ANKS1B: variants seen among roughly 807,000 people sequenced by gnomAD.
ANKS1B encodes ankyrin repeat and sterile alpha motif domain containing 1B, also known as ankyrin repeat and sterile alpha motif domain-containing protein 1B.
ANKS1B carries 36 observed loss-of-function variants against 148.3 expected under a neutral mutation model. The ratio of observed to expected loss-of-function variants is 0.24; its 90% confidence interval spans 0.19 to 0.32. The LOEUF is 0.32. Ranked by LOEUF, ANKS1B falls within the 10% of genes least tolerant of loss-of-function variation. The pLI is 1.00. For synonymous variants in ANKS1B, 542 were observed against 560.8 expected, an observed-to-expected ratio of 0.97 and a Z score of 0.47; for missense variants, 1,157 against 1,542.6, an observed-to-expected ratio of 0.75 and a Z score of 4.19.
At chr12:99,730,570 A>G (rs756583208) in intron 8 of ANKS1B, among the ~76,000 whole-genome samples, 9 of 152,146 alleles carry the variant, frequency 5.9e-5, no homozygotes, top group Non-Finnish European at 1.0e-4. Flanking sequence ...ATGAGTGGGG[A>G]GCTGTGCAGA....
In ANKS1B at chr12:99,374,436, A is replaced by T. The variant is rs563971435; in HGVS notation, c.1756+25195T>A. ...CCAGGCTGAGTGAGTGTAGGTGTTA[A>T]TATGAGTGTACCCCGTGAAGGGACA... On this transcript the variant is annotated intron_variant, in intron 12 of 26. Coordinates refer to ENST00000683438, the MANE Select transcript of ANKS1B (RefSeq NM_001352186.2). Among the ~76,000 whole-genome samples the T allele has an allele frequency of 2.0e-5, 3 of 152,268 alleles. No homozygotes were observed. The South Asian group carries it at 6.2e-4, about 32-fold the overall frequency.
At chr12:99,597,251 G>GGA (rs3081683) in intron 9 of ANKS1B, among the ~76,000 whole-genome samples, 95 of 149,366 alleles carry the variant, frequency 6.4e-4, no homozygotes, top group Middle Eastern at 7.0e-3. Context: ...AATGTCTGAG[G>GGA]GAGAGAGAGA....
At chr12:98,735,595 C>CTGA in exon 10 of ANKS1B, 2 of 774,914 alleles carry the variant, frequency 2.6e-6, no homozygotes, top group East Asian at 2.4e-5. Context: ...GTGTGTCTCT[C>CTGA]TGATGGTTCC....
At chr12:99,113,418 A>T (rs755960959) in intron 15 of ANKS1B, among the ~76,000 whole-genome samples, 1 of 152,220 alleles carries the variant, frequency 6.6e-6, no homozygotes, top group Non-Finnish European at 1.5e-5. Flanking sequence ...TCTTAAATGT[A>T]TTAATTAATG....
At chr12:99,192,679 T>C (rs549323894) in intron 14 of ANKS1B, among the ~76,000 whole-genome samples, 14 of 152,216 alleles carry the variant, frequency 9.2e-5, no homozygotes, top group African/African-American at 2.9e-4. Flanking sequence ...CGTATACAAA[T>C]ATATGTTGCC....
intron 17 of ANKS1B, among the ~76,000 whole-genome samples, chr12:98,936,610 A>C (rs2045686): frequency 0.08 from 12,136 of 151,934 alleles, 659 homozygotes; most frequent in Admixed American, 0.17. Flanking sequence ...CTGGTGACAG[A>C]GTGAGACTCT....
At chr12:98,768,623 G>A (rs544065650) in intron 25 of ANKS1B, among the ~76,000 whole-genome samples, 138 of 151,038 alleles carry the variant, frequency 9.1e-4, no homozygotes, top group Middle Eastern at 3.4e-3. Context: ...AGTCCCAGCT[G>A]CTCAGGAGGC....
chr12:99,696,610 G>A (rs2053962919), intron 8 of ANKS1B, among the ~76,000 whole-genome samples: 1 of 152,068 alleles, frequency 6.6e-6, no homozygotes, highest in Admixed American at 6.5e-5. Context: ...AAAATGAAAA[G>A]CTATAAAACT....
intron 17 of ANKS1B, among the ~76,000 whole-genome samples, chr12:98,993,411 C>T (rs982177827): frequency 5.3e-5 from 8 of 152,146 alleles, no homozygotes; most frequent in Non-Finnish European, 1.0e-4. Flanking sequence ...TCAAGTGATC[C>T]GCCCGCCTTG....
At chr12:98,917,366 C>T (rs1319885301) in intron 17 of ANKS1B, among the ~76,000 whole-genome samples, 2 of 152,116 alleles carry the variant, frequency 1.3e-5, no homozygotes, top group East Asian at 3.9e-4. Flanking sequence ...AATGTCGGGG[C>T]CCATCCCTCC....
At chr12:99,303,453 G>A (rs2154021771) in intron 12 of ANKS1B, among the ~76,000 whole-genome samples, 1 of 152,088 alleles carries the variant, frequency 6.6e-6, no homozygotes, top group East Asian at 1.9e-4. Context: ...GTTGTACTAT[G>A]CCCCAACACT....
intron 12 of ANKS1B, among the ~76,000 whole-genome samples, chr12:99,369,593 T>TC (rs1372565259): frequency 6.6e-5 from 10 of 150,892 alleles, no homozygotes; most frequent in African/African-American, 2.2e-4. Context: ...ATTATAATTT[T>TC]CTCAGTGTGC....
intron 1 of ANKS1B, among the ~76,000 whole-genome samples, chr12:99,924,847 AAC>A (rs1354490300): frequency 6.6e-5 from 10 of 152,164 alleles, no homozygotes; most frequent in South Asian, 2.1e-4. Context: ...ACTAAAGACA[AAC>A]ACAGTCTTTG....
intron 17 of ANKS1B, among the ~76,000 whole-genome samples, chr12:98,864,819 ACTCT>A (rs1488333284): frequency 1.3e-5 from 2 of 151,848 alleles, no homozygotes; most frequent in Non-Finnish European, 2.9e-5. Context: ...ACTCACCCTG[ACTCT>A]CAGAACACAC....
At chr12:99,445,524 T>C (rs1336077885) in intron 10 of ANKS1B, among the ~76,000 whole-genome samples, 2 of 151,978 alleles carry the variant, frequency 1.3e-5, no homozygotes, top group Non-Finnish European at 2.9e-5. Flanking sequence ...TAATGATGTG[T>C]CCATGTAGTT....
At chr12:99,909,217 C>CGTGTGTGTGTGTGT (rs60264932) in intron 1 of ANKS1B, among the ~76,000 whole-genome samples, 1 of 137,314 alleles carries the variant, frequency 7.3e-6, no homozygotes, top group African/African-American at 2.7e-5. Flanking sequence ...AATATTCCAT[C>CGTGTGTGTGTGTGT]GTGTGTGTGT....
intron 9 of ANKS1B, among the ~76,000 whole-genome samples, chr12:99,522,700 C>T (rs911000110): frequency 6.6e-6 from 1 of 152,178 alleles, no homozygotes; most frequent in African/African-American, 2.4e-5. Context: ...TTAGGAGTTA[C>T]AGCTGACAGT....
intron 11 of ANKS1B, among the ~76,000 whole-genome samples, chr12:99,425,136 G>A (rs563207944): frequency 6.6e-5 from 10 of 151,814 alleles, no homozygotes; most frequent in South Asian, 2.1e-4. Context: ...AATTTAATTC[G>A]GCTAAAGTTT....
intron 17 of ANKS1B, among the ~76,000 whole-genome samples, chr12:98,849,559 A>C (rs1282742185): frequency 2.6e-5 from 4 of 152,226 alleles, no homozygotes; most frequent in African/African-American, 9.6e-5. Flanking sequence ...TGTTTCCTAA[A>C]AAAAGACTGC....
Sources: gnomAD v4.1 joint callset for allele counts (sites outside exome capture counted in the v4.1 genomes callset) on GRCh38, gnomAD v4.1.1 for gene constraint, MANE v1.5 for transcripts, NCBI Gene and HGNC (gene_info 2026-07-23, HGNC 2026-07-21) for gene names.